Variants in PLAGL1 observed in about 807,000 individuals in gnomAD.
PLAGL1 encodes zinc finger protein PLAGL1.
In PLAGL1, 1 loss-of-function variant was observed where a neutral mutation model predicts 4.6. That is an observed-to-expected ratio of 0.22 (90% confidence interval 0.08 to 1.03). PLAGL1 has a LOEUF of 1.03. Among genes scored for constraint, PLAGL1 ranks in the 50% least tolerant of loss-of-function variants. The pLI is 0.58. For synonymous variants in PLAGL1, 240 were observed against 237.8 expected (o/e 1.01, Z -0.08); for missense variants, 464 against 570.4 (o/e 0.81, Z 1.90).
rs945365559 is a variant in PLAGL1, at chr6:143,961,013, T to C, written c.-398-471A>G. The C allele has an allele frequency of 2.0e-5, 3 of 152,200 alleles. No individual in the cohort carries two copies. Among genetic ancestry groups the C allele is most frequent in the Non-Finnish European group, 4.4e-5 (3 of 68,032 alleles). 9.4% of individuals were successfully genotyped at this position (152,200 alleles called of 1,614,324 possible). On this transcript the variant is annotated intron_variant, in intron 5 of 7. Transcript: ENST00000674357. The surrounding 1 kb of genome is among the most constrained non-coding windows in gnomAD (Gnocchi z 6.5). The stretch of plus-strand genomic sequence containing the variant: ...TTATCAAATTTGCAGTGCAAGAAGG[T>C]TGAAGTCTCTAAGTTGAATACTGAA...
In PLAGL1 at chr6:143,963,567, A is replaced by C. The variant is rs1015814994; in HGVS notation, c.-399+1220T>G. 6.6e-6 allele frequency among the ~76,000 whole-genome samples: 1 copy of C among 152,206 alleles called. No individual in the cohort carries two copies. Among genetic ancestry groups the C allele is most frequent in the South Asian group, 2.1e-4 (1 of 4,824 alleles). On this transcript the variant is annotated intron_variant, in intron 5 of 7. Coordinates refer to ENST00000674357, the MANE Select transcript of PLAGL1 (RefSeq NM_001317162.2). The surrounding 1 kb of genome is among the most constrained non-coding windows in gnomAD (Gnocchi z 6.1). ...TTGATTAATGGGGAAAGTAAGGCTT[A>C]GAAGTTATGCTGATTTGCCCATGAT...
chr6:144,046,784 C>G (rs1399292155), intron 1 of PLAGL1, among the ~76,000 whole-genome samples: 1 of 152,198 alleles, frequency 6.6e-6, no homozygotes, highest in Non-Finnish European at 1.5e-5. Flanking sequence ...TCAGCTATGC[C>G]CTGCCCCCAA....
chr6:144,060,012 G>A (rs896885133), intron 1 of PLAGL1, among the ~76,000 whole-genome samples: 1 of 152,032 alleles, frequency 6.6e-6, no homozygotes, highest in Admixed American at 6.5e-5. Context: ...CAAATTTTAT[G>A]AGAACCCTCT....
At chr6:144,057,827 C>T (rs1799095686) in intron 1 of PLAGL1, among the ~76,000 whole-genome samples, 1 of 150,872 alleles carries the variant, frequency 6.6e-6, no homozygotes, top group South Asian at 2.1e-4. Context: ...TTCTTTCAGC[C>T]CAAAGCCCTC....
In PLAGL1 at chr6:143,962,988, CT is replaced by C. The variant is rs1192510160; in HGVS notation, c.-399+1798del. 6.6e-6 allele frequency among the ~76,000 whole-genome samples: 1 copy of C among 152,178 alleles called. No homozygotes were observed. The highest frequency in any genetic ancestry group is 1.5e-5 in the Non-Finnish European group (1 of 68,036). ...TTTGGTAGATTACAGACAACTAAAT[CT>C]TATTTCAGCAAGATGGATCATGGTG... is the stretch of plus-strand genomic sequence containing the variant. On this transcript the variant is annotated intron_variant, in intron 5 of 7. Coordinates refer to ENST00000674357, the MANE Select transcript of PLAGL1 (RefSeq NM_001317162.2). The surrounding 1 kb of genome is among the most constrained non-coding windows in gnomAD (Gnocchi z 5.3).
At chr6:144,008,892 A>C (rs928221631), upstream of PLAGL1, 8 of 152,222 alleles carry the variant, frequency 5.3e-5, no homozygotes, top group African/African-American at 1.9e-4. The surrounding 1 kb of genome is among the most constrained non-coding windows in gnomAD (Gnocchi z 6.9). Flanking sequence ...AGACGCAGAA[A>C]GGGTAGACAG....
rs1032375641 is a variant in PLAGL1, at chr6:143,961,842, T to C, written c.-398-1300A>G. On this transcript the variant is annotated intron_variant, in intron 5 of 7. Transcript: ENST00000674357. This position sits in a 1 kb window ranked among gnomAD's most constrained non-coding sequence, Gnocchi z 6.5. ...CTCACAAACGGACAATACCAATTTA[T>C]GTATTCAAAGAGGCAGGGGTTCTTC... Among the ~76,000 whole-genome samples, 1 of 152,254 alleles carries C rather than the reference T, an allele frequency of 6.6e-6. No individual in the cohort carries two copies. The highest frequency in any genetic ancestry group is 2.4e-5 in the African/African-American group (1 of 41,466).
At chr6:144,054,800 TGTGTGTGTG>T (rs1349919323) in intron 1 of PLAGL1, among the ~76,000 whole-genome samples, 3 of 151,622 alleles carry the variant, frequency 2.0e-5, no homozygotes, top group African/African-American at 7.3e-5. Context: ...TGTGTGTGTG[TGTGTGTGTG>T]TGTGTGTGTG....
chr6:143,952,071 C>G lies in PLAGL1; in HGVS notation c.-324-3611G>C, dbSNP rs1036226746. Among the ~76,000 whole-genome samples, 1 of 152,072 alleles carries G rather than the reference C, an allele frequency of 6.6e-6. No individual in the cohort carries two copies. Among genetic ancestry groups the G allele is most frequent in the African/African-American group, 2.4e-5 (1 of 41,402 alleles). On this transcript the variant is annotated intron_variant, in intron 6 of 7. Transcript: ENST00000674357. This position sits in a 1 kb window ranked among gnomAD's most constrained non-coding sequence, Gnocchi z 6.1. ...TGTCTACCCCAACAGACTATAAACG[C>G]TTTGTGGCTGAGGGTCAAAGCTTAG...
Position 144,027,299 on chromosome 6 carries a change from T to C in PLAGL1, c.-151+37169A>G, listed in dbSNP as rs1417323061. 7.7e-6 allele frequency among the ~76,000 whole-genome samples: 1 copy of C among 129,406 alleles called. No individual in the cohort carries two copies. The highest frequency in any genetic ancestry group is 3.7e-3 in the Middle Eastern group (1 of 272). 84.9% of individuals were successfully genotyped at this position (129,406 alleles called of 152,430 possible). On this transcript the variant is annotated intron_variant, in intron 1 of 3. Transcript: ENST00000437412. The surrounding 1 kb of genome is among the most constrained non-coding windows in gnomAD (Gnocchi z 5.8). ...AGAAAGAAAGAAAGAAAGAAAGTTATTTGATCTGAAGTACAATGTCTTTAA... is the reference window on the plus strand; with the variant it reads ...AGAAAGAAAGAAAGAAAGAAAGTTACTTGATCTGAAGTACAATGTCTTTAA...
chr6:144,035,907 T>C (rs1797198631), intron 1 of PLAGL1, among the ~76,000 whole-genome samples: 1 of 152,082 alleles, frequency 6.6e-6, no homozygotes, highest in Admixed American at 6.5e-5. Context: ...AGCCACCTGG[T>C]GGGGCAAAGA....
In PLAGL1 at chr6:143,995,664, G is replaced by A. The variant is rs1319183192; in HGVS notation, c.-583-10490C>T. 6.6e-6 allele frequency among the ~76,000 whole-genome samples: 1 copy of A among 151,892 alleles called. No homozygotes were observed. On this transcript the variant is annotated intron_variant, in intron 1 of 7. Coordinates refer to ENST00000674357, the MANE Select transcript of PLAGL1 (RefSeq NM_001317162.2). The surrounding 1 kb of genome is among the most constrained non-coding windows in gnomAD (Gnocchi z 4.4). Reference sequence around the variant, plus strand: ...ATTCAAACACTATTATGATATATATGCTTATATAAAATGTTTCAAATCTGA... The same window carrying A: ...ATTCAAACACTATTATGATATATATACTTATATAAAATGTTTCAAATCTGA...
chr6:143,955,299 T>C lies in PLAGL1; in HGVS notation c.-325+5170A>G, dbSNP rs1781887171. 6.6e-6 allele frequency among the ~76,000 whole-genome samples: 1 copy of C among 152,062 alleles called. No homozygotes were observed. The highest frequency in any genetic ancestry group is 2.1e-4 in the South Asian group (1 of 4,822). On this transcript the variant is annotated intron_variant, in intron 6 of 7. Transcript: ENST00000674357. The surrounding 1 kb of genome is among the most constrained non-coding windows in gnomAD (Gnocchi z 4.9). ...TGAATCCAACCACCTGGAGAATAAGTGGTTCAGTAAGACTGGAATACAGGT... is the reference window on the plus strand; with the variant it reads ...TGAATCCAACCACCTGGAGAATAAGCGGTTCAGTAAGACTGGAATACAGGT...
At position 143,955,512 on chromosome 6, in the gene PLAGL1, G is replaced by T. The variant is rs1781933289; in HGVS notation, c.-325+4957C>A. Reference sequence around the variant, plus strand: ...GAGGAGGGCGGGAAGAGAAGAGGTAGAAATAGGTAGAGAATGCCAATAAAA... The same window carrying T: ...GAGGAGGGCGGGAAGAGAAGAGGTATAAATAGGTAGAGAATGCCAATAAAA... On this transcript the variant is annotated intron_variant, in intron 6 of 7. Transcript: ENST00000674357. The surrounding 1 kb of genome is among the most constrained non-coding windows in gnomAD (Gnocchi z 4.9). Among the ~76,000 whole-genome samples the T allele has an allele frequency of 6.6e-6, 1 of 152,174 alleles. No individual in the cohort carries two copies. The highest frequency in any genetic ancestry group is 2.4e-5 in the African/African-American group (1 of 41,432).
intron 2 of PLAGL1, among the ~76,000 whole-genome samples, chr6:143,976,729 C>T (rs562688786): frequency 5.9e-5 from 9 of 152,274 alleles, no homozygotes; most frequent in South Asian, 4.1e-4. Context: ...TCCTAAGAGC[C>T]GGGTTCCTTT....
rs1331521495 is a variant in PLAGL1 at position 143,949,514 on chromosome 6, ACT to A, written c.-324-1056_-324-1055del. 6.6e-6 allele frequency among the ~76,000 whole-genome samples: 1 copy of A among 151,960 alleles called. No homozygotes were observed. Among genetic ancestry groups the A allele is most frequent in the Admixed American group, 6.6e-5 (1 of 15,248 alleles). On this transcript the variant is annotated intron_variant, in intron 6 of 7. Transcript: ENST00000674357. This position sits in a 1 kb window ranked among gnomAD's most constrained non-coding sequence, Gnocchi z 5.3. ...CCAACCCCCCACATTTCATCCCTGG[ACT>A]CTGACAGCAGGTTTCAAATCGGCCT...
intron 1 of PLAGL1, among the ~76,000 whole-genome samples, chr6:144,047,762 T>A (rs1798272291): frequency 6.6e-6 from 1 of 151,996 alleles, no homozygotes; most frequent in Non-Finnish European, 1.5e-5. Context: ...GAACACAAAT[T>A]CTAACCATAT....
At chr6:144,012,724 T>C (rs1795276411), upstream of PLAGL1, among the ~76,000 whole-genome samples, 1 of 152,168 alleles carries the variant, frequency 6.6e-6, no homozygotes, top group African/African-American at 2.4e-5. This position sits in a 1 kb window ranked among gnomAD's most constrained non-coding sequence, Gnocchi z 4.8. Flanking sequence ...ACACTCTTTT[T>C]CTCCTGAGCT....
chr6:144,024,398 A>G (rs1461681984), intron 1 of PLAGL1, among the ~76,000 whole-genome samples: 8 of 152,182 alleles, frequency 5.3e-5, no homozygotes, highest in Non-Finnish European at 1.2e-4. Context: ...AAGAGCAGGG[A>G]CAGGTGGAGA....
Sources: gnomAD v4.1 joint callset for allele counts (sites outside exome capture counted in the v4.1 genomes callset) on GRCh38, gnomAD v4.1.1 for gene constraint, Gnocchi (gnomAD v3.1) non-coding constraint, MANE v1.5 for transcripts, NCBI Gene and HGNC (gene_info 2026-07-23, HGNC 2026-07-21) for gene names.